Variants in GRM7 observed in about 807,000 individuals in gnomAD.
GRM7 encodes the protein glutamate metabotropic receptor 7, also known as metabotropic glutamate receptor 7.
Under a neutral mutation model 84.5 loss-of-function variants are expected in GRM7, and 35 were observed. The ratio of observed to expected loss-of-function variants is 0.41; its 90% confidence interval spans 0.32 to 0.55. The LOEUF is 0.55. Among genes scored for constraint, GRM7 ranks in the 20% least tolerant of loss-of-function variants. The probability of loss-of-function intolerance (pLI) is 0.19; values close to 1 mark genes in which losing one functional copy is unlikely to be tolerated. For synonymous variants in GRM7, 487 were observed against 455.1 expected (o/e 1.07, Z -0.89); for missense variants, 1,003 against 1,194.6 (o/e 0.84, Z 2.36).
rs1575362033 is a variant in GRM7 at position 7,455,464 on chromosome 3, C to T, written c.1375+2657C>T. ...ACGTAAAAGAGGTAATCAAGGTGGA[C>T]ATCATCACTTATGAGACTCATGAAC... On this transcript the variant is annotated intron_variant, in intron 6 of 9. Transcript: ENST00000357716. Among the ~76,000 whole-genome samples, 4 of 152,118 alleles carry T rather than the reference C, an allele frequency of 2.6e-5. No individual in the cohort carries two copies. The East Asian group carries it at 7.7e-4, about 29-fold the overall frequency.
chr3:7,209,174 C>T (rs554902209), intron 2 of GRM7, among the ~76,000 whole-genome samples: 2 of 152,236 alleles, frequency 1.3e-5, no homozygotes, highest in East Asian at 3.9e-4. Context: ...GAATGCTGTA[C>T]TGAAAGTACA....
chr3:7,271,705 C>G (rs1698871695), intron 2 of GRM7, among the ~76,000 whole-genome samples: 1 of 152,006 alleles, frequency 6.6e-6, no homozygotes, highest in Non-Finnish European at 1.5e-5. Context: ...CTTTGTCAGC[C>G]TAAATGGGTC....
At chr3:7,003,422 A>C (rs1171599337) in intron 1 of GRM7, among the ~76,000 whole-genome samples, 1 of 151,946 alleles carries the variant, frequency 6.6e-6, no homozygotes. Flanking sequence ...AAAAAAAAAA[A>C]GTTTTAATGC....
At chr3:7,615,215 T>A (rs1697028511) in intron 8 of GRM7, among the ~76,000 whole-genome samples, 1 of 152,020 alleles carries the variant, frequency 6.6e-6, no homozygotes, top group African/African-American at 2.4e-5. Context: ...TTAGAGTTTG[T>A]AACACTTTTT....
chr3:6,971,838 AT>A lies in GRM7; in HGVS notation c.519+109938del, dbSNP rs567910523. 4.6e-3 allele frequency among the ~76,000 whole-genome samples: 694 copies of A among 152,256 alleles called. 3 individuals carry two copies. Among genetic ancestry groups the A allele is most frequent in the African/African-American group, 0.015 (639 of 41,560 alleles). On this transcript the variant is annotated intron_variant, in intron 1 of 9. Coordinates refer to ENST00000357716, the MANE Select transcript of GRM7 (RefSeq NM_000844.4). ...AAATAAAAGAAGTGGCACTTAACTAATTTTTTTGCAGAGCTCATCATGGTTG... is the reference window on the plus strand; with the variant it reads ...AAATAAAAGAAGTGGCACTTAACTAATTTTTTGCAGAGCTCATCATGGTTG...
At chr3:6,951,045 T>A (rs1195662746) in intron 1 of GRM7, among the ~76,000 whole-genome samples, 2 of 152,148 alleles carry the variant, frequency 1.3e-5, no homozygotes, top group Non-Finnish European at 2.9e-5. Context: ...TCACGCACAG[T>A]GCGCTGCACC....
At chr3:7,529,132 G>A (rs1700926761) in intron 7 of GRM7, among the ~76,000 whole-genome samples, 1 of 151,960 alleles carries the variant, frequency 6.6e-6, no homozygotes, top group African/African-American at 2.4e-5. Context: ...GAATATTTTT[G>A]CAAGAATCTT....
At chr3:7,034,384 C>G (rs1696300237) in intron 1 of GRM7, among the ~76,000 whole-genome samples, 1 of 151,996 alleles carries the variant, frequency 6.6e-6, no homozygotes, top group East Asian at 1.9e-4. Context: ...TACTGTAATA[C>G]CTGGGCTACA....
chr3:7,157,330 G>A (rs1293692938), intron 2 of GRM7, among the ~76,000 whole-genome samples: 2 of 152,012 alleles, frequency 1.3e-5, no homozygotes, highest in African/African-American at 4.8e-5. Flanking sequence ...AAATAGCAAG[G>A]GAGAAATGAT....
intron 2 of GRM7, among the ~76,000 whole-genome samples, chr3:7,219,490 T>C (rs998812893): frequency 2.0e-5 from 3 of 152,206 alleles, no homozygotes; most frequent in Non-Finnish European, 4.4e-5. Flanking sequence ...GTACTCTTTG[T>C]TTAAAAGACA....
At chr3:7,708,075 T>C (rs907315784) in intron 9 of GRM7, among the ~76,000 whole-genome samples, 4 of 151,962 alleles carry the variant, frequency 2.6e-5, no homozygotes, top group African/African-American at 9.7e-5. Context: ...CCTATAATTA[T>C]AGGATTTTAC....
intron 1 of GRM7, among the ~76,000 whole-genome samples, chr3:7,008,966 G>GTA: frequency 6.6e-6 from 1 of 152,136 alleles, no homozygotes. Flanking sequence ...TGTATGTGAG[G>GTA]CTCAGATGAA....
intron 7 of GRM7, among the ~76,000 whole-genome samples, chr3:7,567,213 CCTGA>C (rs1309709903): frequency 1.3e-5 from 2 of 152,124 alleles, no homozygotes; most frequent in African/African-American, 4.8e-5. Flanking sequence ...TAGAGACCCT[CCTGA>C]CTGTGAAAAG....
intron 9 of GRM7, among the ~76,000 whole-genome samples, chr3:7,734,543 G>C (rs1018643532): frequency 2.0e-5 from 3 of 152,188 alleles, no homozygotes; most frequent in African/African-American, 7.2e-5. Context: ...CAGAAATCCA[G>C]ATTTGGGAGT....
intron 2 of GRM7, among the ~76,000 whole-genome samples, chr3:7,278,535 C>T (rs1156649597): frequency 6.6e-6 from 1 of 152,078 alleles, no homozygotes; most frequent in East Asian, 1.9e-4. Flanking sequence ...TTAATTTATT[C>T]ATTCATTATT....
chr3:7,144,822 C>T lies in GRM7; in HGVS notation c.520-1630C>T, dbSNP rs372034900. 2.4e-4 allele frequency among the ~76,000 whole-genome samples: 36 copies of T among 152,260 alleles called. No homozygotes were observed. In the East Asian group the frequency reaches 4.8e-3, roughly 20 times the overall value. On this transcript the variant is annotated intron_variant, in intron 1 of 9. Coordinates refer to ENST00000357716, the MANE Select transcript of GRM7 (RefSeq NM_000844.4). ...AAACCTCACTATAATTGACAAGTTG[C>T]TCAGGTAGAAGGACCCATCAGGAGA... is the stretch of plus-strand genomic sequence containing the variant.
chr3:7,429,173 A>G (rs1354512369), intron 5 of GRM7, among the ~76,000 whole-genome samples: 1 of 152,100 alleles, frequency 6.6e-6, no homozygotes, highest in Middle Eastern at 3.2e-3. Context: ...GTTGACGATA[A>G]TAATAATGAT....
intron 6 of GRM7, among the ~76,000 whole-genome samples, chr3:7,454,103 C>A (rs76209325): frequency 0.31 from 47,461 of 150,672 alleles, 8,675 homozygotes; most frequent in Non-Finnish European, 0.43. Flanking sequence ...CTCTCTCTCT[C>A]TCTCTCTCTC....
At chr3:7,199,550 A>T (rs1323108986) in intron 2 of GRM7, among the ~76,000 whole-genome samples, 1 of 152,192 alleles carries the variant, frequency 6.6e-6, no homozygotes, top group Non-Finnish European at 1.5e-5. Flanking sequence ...TTTATGGAGG[A>T]TGAACAGATT....
Sources: allele counts gnomAD v4.1 joint callset (sites outside exome capture counted in the v4.1 genomes callset), GRCh38; gene constraint gnomAD v4.1.1; transcripts MANE v1.5; gene names NCBI Gene and HGNC (gene_info 2026-07-23, HGNC 2026-07-21).